Variants in NUP133 observed in about 807,000 individuals in gnomAD.
NUP133 encodes the protein nuclear pore complex protein Nup133.
In NUP133, 66 loss-of-function variants were observed where a neutral mutation model predicts 146.2. The observed-to-expected ratio is 0.45, with a 90% CI of 0.37 to 0.55. The LOEUF is 0.55. Among genes scored for constraint, NUP133 ranks in the 20% least tolerant of loss-of-function variants. The pLI, the probability that NUP133 is intolerant of heterozygous loss-of-function variation, is 0.00. For synonymous variants in NUP133, 521 were observed against 498.8 expected, an observed-to-expected ratio of 1.04 and a Z score of -0.59; for missense variants, 1,277 against 1,374.8, an observed-to-expected ratio of 0.93 and a Z score of 1.12.
intron 21 of NUP133, among the ~76,000 whole-genome samples, chr1:229,455,481 A>G (rs935872988): frequency 6.6e-6 from 1 of 152,180 alleles, no homozygotes; most frequent in African/African-American, 2.4e-5. Flanking sequence ...GCATCACCTG[A>G]GTCTAGGAGT....
intron 19 of NUP133, 44 bp downstream of exon 19, chr1:229,463,499 A>C: frequency 6.4e-7 from 1 of 1,558,420 alleles, no homozygotes; most frequent in East Asian, 2.3e-5. Flanking sequence ...TTTCAAGAAA[A>C]GGCAACTAAA....
Position 229,484,047 on chromosome 1 carries a change from GT to G in NUP133, c.1592+6del. Reference sequence around the variant, plus strand: ...AAATAATCCATAATTTAAAAAACATGTTATACCTGCAGTATTGCAGAAAGGC... The same window carrying G: ...AAATAATCCATAATTTAAAAAACATGTATACCTGCAGTATTGCAGAAAGGC... On this transcript the variant is annotated splice_donor_region_variant and intron_variant, in intron 12 of 25. Transcript: ENST00000261396. 6.3e-7 allele frequency: 1 copy of G among 1,580,668 alleles called. No individual in the cohort carries two copies. Among genetic ancestry groups the G allele is most frequent in the Non-Finnish European group, 8.7e-7 (1 of 1,151,652 alleles).
rs145162088 is a variant in NUP133, at chr1:229,470,709, G to A, written c.1947C>T (p.Ala649=). The A allele has an allele frequency of 2.8e-5, 46 of 1,614,178 alleles. No homozygotes were observed. Among genetic ancestry groups the A allele is most frequent in the East Asian group, 1.8e-4 (8 of 44,882 alleles). Residue 649 remains alanine (A), a synonymous_variant, in exon 15 of 26, where the codon GCC becomes GCT. Coordinates refer to ENST00000261396, the MANE Select transcript of NUP133 (RefSeq NM_018230.3). ...AGTGGTGGTTCTTGAGAACAATGGC[G>A]GCTGACAGCTTTTCGGCATGCTCAC... is the stretch of plus-strand genomic sequence containing the variant. ...LLCEHAEKLS[A]AIVLKNHHSR...
In NUP133 at chr1:229,495,766, T is replaced by C. The variant is rs558754451; in HGVS notation, c.975+126A>G. ...TTGACTAACCCATTTCCACTTAATC[T>C]GATAACCATACACTATGTTGTTTAT... is the stretch of plus-strand genomic sequence containing the variant. On this transcript the variant is annotated intron_variant, in intron 7 of 25. Transcript: ENST00000261396. 7.7e-5 allele frequency: 75 copies of C among 970,102 alleles called. No individual in the cohort carries two copies. In the African/African-American group the frequency reaches 1.1e-3, roughly 14 times the overall value. The allele number at this position is 970,102 out of a possible 1,614,324, so 60.1% of individuals were successfully genotyped here.
intron 22 of NUP133, among the ~76,000 whole-genome samples, chr1:229,451,228 G>A (rs1318006223): frequency 3.3e-5 from 5 of 151,780 alleles, no homozygotes; most frequent in Non-Finnish European, 7.4e-5. Context: ...GAGAAACCTC[G>A]TCTCTACAAA....
chr1:229,485,258 A>G (rs1282523909), intron 11 of NUP133, among the ~76,000 whole-genome samples: 1 of 152,216 alleles, frequency 6.6e-6, no homozygotes, highest in East Asian at 1.9e-4. Flanking sequence ...CCCCGCTGAC[A>G]GGAGATGAGG....
Position 229,470,574 on chromosome 1 carries a change from T to A in NUP133, c.2076+6A>T. Reference sequence around the variant, plus strand: ...ACAAAGCCACATGAAAGAGGACTCATCTTACCTCCCTGAAAAAGACATCTG... The same window carrying A: ...ACAAAGCCACATGAAAGAGGACTCAACTTACCTCCCTGAAAAAGACATCTG... On this transcript the variant is annotated splice_donor_region_variant and intron_variant, in intron 15 of 25. Transcript: ENST00000261396. 6.2e-7 allele frequency: 1 copy of A among 1,611,234 alleles called. No individual in the cohort carries two copies. Among genetic ancestry groups the A allele is most frequent in the Non-Finnish European group, 8.5e-7 (1 of 1,177,312 alleles).
At chr1:229,499,845 A>T in intron 4 of NUP133, 27 bp from the exon 5 acceptor site, 1 of 1,604,290 alleles carries the variant, frequency 6.2e-7, no homozygotes, top group Non-Finnish European at 8.5e-7. Flanking sequence ...AACAATCAGC[A>T]ATCACAATAA....
At chr1:229,500,625 T>C (rs2102785405) in intron 4 of NUP133, 131 bp downstream of exon 4, 2 of 568,720 alleles carry the variant, frequency 3.5e-6, no homozygotes, top group Non-Finnish European at 6.2e-6. Flanking sequence ...GTAGCTCTCT[T>C]TGCCAATACC....
Position 229,508,316 on chromosome 1 carries a change from C to T in NUP133, c.-67G>A, listed in dbSNP as rs1571947407. Reference sequence around the variant, plus strand: ...GTCAGGTTGCAGCCTGGCCTGCGCGCGGAACTTAAACACCTAAGGGAAGAG... The same window carrying T: ...GTCAGGTTGCAGCCTGGCCTGCGCGTGGAACTTAAACACCTAAGGGAAGAG... On this transcript the variant is annotated 5_prime_UTR_variant, in exon 1 of 26. Transcript: ENST00000261396. 3 of 1,248,140 alleles carry T rather than the reference C, an allele frequency of 2.4e-6. No individual in the cohort carries two copies. The highest frequency in any genetic ancestry group is 3.2e-6 in the Non-Finnish European group (3 of 950,086). The allele number at this position is 1,248,140 out of a possible 1,614,324, so 77.3% of individuals were successfully genotyped here. A position where few individuals can be genotyped will look rare whatever the true frequency, so the allele number is the denominator to read the frequency against.
In NUP133 at chr1:229,470,759, G is replaced by C. The variant is rs1305854391; in HGVS notation, c.1897C>G (p.Pro633Ala). Residue 633 changes from proline (P) to alanine (A), a missense_variant, in exon 15 of 26, where the codon CCG (proline) becomes GCG (alanine). Around this residue, in one of 3 missense-constraint regions of NUP133, gnomAD observed 952 missense variants for 1,047.0 expected, o/e 0.91. Coordinates refer to ENST00000261396, the MANE Select transcript of NUP133 (RefSeq NM_018230.3). ...CAGAGCAACAGTCGAGTGGCCATCG[G>C]TGTCCCTCTAACTGGAAAACTGCCT... ...RLGSFPVRGT[P>A]MATRLLLCEH... 2.5e-6 allele frequency: 4 copies of C among 1,614,170 alleles called. No individual in the cohort carries two copies. The highest frequency in any genetic ancestry group is 3.4e-6 in the Non-Finnish European group (4 of 1,180,044).
chr1:229,489,784 C>T (rs995643860), intron 9 of NUP133, among the ~76,000 whole-genome samples, 171 bp downstream of exon 9: 9 of 152,136 alleles, frequency 5.9e-5, no homozygotes, highest in African/African-American at 2.2e-4. Flanking sequence ...GGCAGGAGAA[C>T]CACTTGAACC....
chr1:229,494,703 T>C (rs956863655), intron 8 of NUP133, among the ~76,000 whole-genome samples: 3 of 152,254 alleles, frequency 2.0e-5, no homozygotes, highest in Non-Finnish European at 2.9e-5. Flanking sequence ...ACTCTGAGTA[T>C]GAACTATGAT....
intron 6 of NUP133, among the ~76,000 whole-genome samples, 179 bp downstream of exon 6, chr1:229,497,957 T>C (rs565540313): frequency 4.3e-4 from 65 of 152,350 alleles, no homozygotes; most frequent in Middle Eastern, 6.8e-3. Flanking sequence ...TTACAAGTTA[T>C]GGGAGAAGGT....
intron 12 of NUP133, among the ~76,000 whole-genome samples, chr1:229,483,229 C>G (rs554146025): frequency 1.1e-3 from 175 of 152,202 alleles, no homozygotes; most frequent in African/African-American, 3.5e-3. Context: ...CTCTGAGTAG[C>G]TGGGACTAGA....
intron 5 of NUP133, 29 bp downstream of exon 5, chr1:229,499,655 A>G (rs750960602): frequency 7.0e-6 from 11 of 1,569,844 alleles, no homozygotes; most frequent in Middle Eastern, 1.7e-4. Flanking sequence ...CAGCTTTCCA[A>G]TAAATATAAA....
intron 16 of NUP133, among the ~76,000 whole-genome samples, chr1:229,466,070 A>G (rs1660807337): frequency 6.6e-6 from 1 of 152,244 alleles, no homozygotes; most frequent in Non-Finnish European, 1.5e-5. Context: ...CATTACTACA[A>G]GTCCACTAGC....
At chr1:229,455,445 C>T (rs983590943) in intron 21 of NUP133, among the ~76,000 whole-genome samples, 2 of 152,120 alleles carry the variant, frequency 1.3e-5, no homozygotes, top group African/African-American at 4.8e-5. Flanking sequence ...CCTGTAGTCC[C>T]AGCTACTGGG....
intron 12 of NUP133, among the ~76,000 whole-genome samples, chr1:229,478,077 G>A (rs1033693001): frequency 1.6e-4 from 25 of 151,882 alleles, no homozygotes; most frequent in East Asian, 5.8e-4. Context: ...TGATTATTAC[G>A]CATTGTATGC....
Sources: gnomAD v4.1 joint callset for allele counts (sites outside exome capture counted in the v4.1 genomes callset) on GRCh38, gnomAD v4.1.1 for gene constraint, gnomAD v4.1.1 regional missense constraint, MANE v1.5 for transcripts, NCBI Gene and HGNC (gene_info 2026-07-23, HGNC 2026-07-21) for gene names.